Variants in CAPN9 observed in about 807,000 individuals in gnomAD.
CAPN9 encodes calpain 9.
Under a neutral mutation model 92.8 loss-of-function variants are expected in CAPN9, and 81 were observed. That is an observed-to-expected ratio of 0.87 (90% CI 0.73 to 1.05). The LOEUF (loss-of-function observed/expected upper bound fraction) is 1.05, where lower values mean the gene tolerates loss of function less well. Among genes scored for constraint, CAPN9 ranks in the 50% least tolerant of loss-of-function variants. The pLI, the probability that CAPN9 is intolerant of heterozygous loss-of-function variation, is 0.00. For synonymous variants in CAPN9, 304 were observed against 328.0 expected (o/e 0.93, Z 0.79); for missense variants, 848 against 866.2 (o/e 0.98, Z 0.26).
chr1:230,775,637 G>A (rs1666705137), intron 8 of CAPN9, among the ~76,000 whole-genome samples: 2 of 152,126 alleles, frequency 1.3e-5, no homozygotes, highest in Admixed American at 6.5e-5. Context: ...AAATACAACA[G>A]CAGGGCACGG....
At chr1:230,748,134 G>A (rs1396549464) in intron 1 of CAPN9, among the ~76,000 whole-genome samples, 2 of 152,202 alleles carry the variant, frequency 1.3e-5, no homozygotes, top group East Asian at 3.8e-4. Flanking sequence ...GTGGATGGAT[G>A]TTTGGCTCAG....
intron 5 of CAPN9, among the ~76,000 whole-genome samples, 199 bp from the exon 6 acceptor site, chr1:230,768,981 G>A (rs796106494): frequency 6.6e-6 from 1 of 152,336 alleles, no homozygotes; most frequent in African/African-American, 2.4e-5. Context: ...TCCCCATCCT[G>A]GGAAGAGACT....
chr1:230,760,135 GC>G (rs1246400742), intron 3 of CAPN9, among the ~76,000 whole-genome samples: 1 of 152,096 alleles, frequency 6.6e-6, no homozygotes, highest in East Asian at 1.9e-4. Context: ...GGAGAGGCTT[GC>G]CCCCAGGAGA....
chr1:230,761,100 T>C (rs954375242), intron 3 of CAPN9, among the ~76,000 whole-genome samples: 3 of 152,290 alleles, frequency 2.0e-5, no homozygotes, highest in Non-Finnish European at 4.4e-5. Context: ...TCAGGAGTTC[T>C]GGATCCAGCA....
chr1:230,793,067 C>T (rs1027282781), intron 17 of CAPN9, 139 bp downstream of exon 17: 3 of 672,440 alleles, frequency 4.5e-6, no homozygotes, highest in Non-Finnish European at 7.8e-6. Context: ...AAGGTCACGG[C>T]CCTTGGAGTG....
Position 230,780,841 on chromosome 1 carries a change from G to A in CAPN9, c.1481+133G>A, listed in dbSNP as rs184872221. On this transcript the variant is annotated intron_variant, in intron 11 of 19. Transcript: ENST00000271971. The stretch of plus-strand genomic sequence containing the variant: ...GTGTACCTGAGAAACAAGGCAGGAT[G>A]GTTTCTTTCTTTTCTTTTATTTATT... 419 of 584,414 alleles carry A rather than the reference G, an allele frequency of 7.2e-4. 1 individual carries two copies. Among genetic ancestry groups the A allele is most frequent in the African/African-American group, 7.1e-3 (375 of 52,764 alleles). 36.2% of individuals were successfully genotyped at this position (584,414 alleles called of 1,614,324 possible). A position where few individuals can be genotyped will look rare whatever the true frequency, so the allele number is the denominator to read the frequency against.
chr1:230,767,272 A>T (rs150178360), intron 4 of CAPN9, among the ~76,000 whole-genome samples: 1 of 152,226 alleles, frequency 6.6e-6, no homozygotes, highest in Non-Finnish European at 1.5e-5. Context: ...TAGAACCAGG[A>T]TTTGAACCTG....
rs1387123875 is a variant in CAPN9 at position 230,798,174 on chromosome 1, C to T, written c.2000C>T (p.Ala667Val). The change falls in exon 19 of 20, where the codon GCT becomes GTT. Residue 667 changes from alanine to valine, a missense_variant. Transcript: ENST00000271971. ...TCTCTCCTATCAGGGGTGTTCCAGG[C>T]TCTCAGTACAAAGAACAAGGAGTTC... ...RLENASRVFQALSTKNKEFIH... is the reference protein window; with the variant it reads ...RLENASRVFQVLSTKNKEFIH... The T allele has an allele frequency of 6.2e-7, 1 of 1,609,666 alleles. No individual in the cohort carries two copies. The highest frequency in any genetic ancestry group is 1.3e-5 in the African/African-American group (1 of 74,846).
chr1:230,774,323 G>A (rs1431218531), intron 7 of CAPN9, among the ~76,000 whole-genome samples: 1 of 152,154 alleles, frequency 6.6e-6, no homozygotes, highest in African/African-American at 2.4e-5. Context: ...TCATCCTCAG[G>A]GGTATTTTAT....
intron 18 of CAPN9, among the ~76,000 whole-genome samples, chr1:230,797,645 C>T (rs1558122028): frequency 6.6e-6 from 1 of 152,164 alleles, no homozygotes; most frequent in Admixed American, 6.5e-5. Flanking sequence ...GCTGAGGCCC[C>T]AAGAGGGCAG....
chr1:230,769,268 G>A lies in CAPN9; in HGVS notation c.789+5G>A, dbSNP rs1439935392. On this transcript the variant is annotated splice_donor_5th_base_variant and intron_variant, in intron 6 of 19. Transcript: ENST00000271971. ...AGTGTAACGGGAATTGACCAGGTAG[G>A]CGACTTGAACTCCAACTGCAGGCTA... 3 of 1,610,694 alleles carry A rather than the reference G, an allele frequency of 1.9e-6. No homozygotes were observed. The highest frequency in any genetic ancestry group is 2.2e-5 in the South Asian group (2 of 90,980).
chr1:230,758,102 A>G (rs924735261), intron 2 of CAPN9, among the ~76,000 whole-genome samples: 1 of 152,162 alleles, frequency 6.6e-6, no homozygotes, highest in Non-Finnish European at 1.5e-5. Flanking sequence ...TTGGCTTCTC[A>G]ATCTCCCCGC....
At chr1:230,792,369 C>A in intron 15 of CAPN9, 57 bp from the exon 16 acceptor site, 1 of 1,486,356 alleles carries the variant, frequency 6.7e-7, no homozygotes, top group African/African-American at 1.4e-5. Context: ...GCTGAGGTCC[C>A]ACGAGGAGCC....
At position 230,756,065 on chromosome 1, in the gene CAPN9, G is replaced by C. The variant is rs569096759; in HGVS notation, c.283+659G>C. Reference sequence around the variant, plus strand: ...CTTTGTTCTATCTATGAAAGACAGAGAAAGTGAGAGAGCGAGAGACTTTCT... The same window carrying C: ...CTTTGTTCTATCTATGAAAGACAGACAAAGTGAGAGAGCGAGAGACTTTCT... On this transcript the variant is annotated intron_variant, in intron 2 of 19. Transcript: ENST00000271971. Among the ~76,000 whole-genome samples the C allele has an allele frequency of 7.2e-5, 11 of 152,318 alleles. 1 individual carries two copies. Among genetic ancestry groups the C allele is most frequent in the African/African-American group, 2.4e-4 (10 of 41,582 alleles).
chr1:230,792,386 T>C (rs1307504419), intron 15 of CAPN9, 40 bp from the exon 16 acceptor site: 1 of 1,583,988 alleles, frequency 6.3e-7, no homozygotes, highest in Admixed American at 1.7e-5. Context: ...AGCCTCAGGT[T>C]GAAACACTGC....
chr1:230,758,180 T>C (rs1376852931), intron 2 of CAPN9, among the ~76,000 whole-genome samples: 1 of 152,140 alleles, frequency 6.6e-6, no homozygotes, highest in African/African-American at 2.4e-5. Flanking sequence ...AAAACACTCA[T>C]TTTCCTCAAC....
chr1:230,785,269 C>T (rs1175945468), intron 11 of CAPN9, among the ~76,000 whole-genome samples: 1 of 152,136 alleles, frequency 6.6e-6, no homozygotes, highest in Non-Finnish European at 1.5e-5. Context: ...TGAGTTAATG[C>T]TGGAATGACT....
chr1:230,759,529 G>A lies in CAPN9; in HGVS notation c.301G>A (p.Ala101Thr). 6.2e-7 allele frequency: 1 copy of A among 1,608,870 alleles called. No individual in the cohort carries two copies. Among genetic ancestry groups the A allele is most frequent in the Non-Finnish European group, 8.5e-7 (1 of 1,178,126 alleles). ...QGELGDCWLLAAIASLTLNQK... is the reference protein window; with the variant it reads ...QGELGDCWLLTAIASLTLNQK... Reference sequence around the variant, plus strand: ...TTTTGCAGGAGACTGCTGGCTATTAGCCGCCATCGCCTCCCTTACGCTTAA... The same window carrying A: ...TTTTGCAGGAGACTGCTGGCTATTAACCGCCATCGCCTCCCTTACGCTTAA... Residue 101 changes from alanine to threonine, a missense_variant, in exon 3 of 20, where the codon GCC (alanine) becomes ACC (threonine). By Grantham distance (58) the Ala-to-Thr change is moderately conservative. Transcript: ENST00000271971.
chr1:230,772,001 T>G lies in CAPN9; in HGVS notation c.790-13T>G, dbSNP rs747736141. 18 of 1,611,042 alleles carry G rather than the reference T, an allele frequency of 1.1e-5. No homozygotes were observed. Among genetic ancestry groups the G allele is most frequent in the Non-Finnish European group, 1.5e-5 (18 of 1,177,258 alleles). On this transcript the variant is annotated splice_polypyrimidine_tract_variant and intron_variant, in intron 6 of 19. Transcript: ENST00000271971. ...TTATCATTTCACACTTCCCTCATGC[T>G]TTTCCCTTCTAGGTAAGCTTCCGAG...
Sources: allele counts gnomAD v4.1 joint callset (sites outside exome capture counted in the v4.1 genomes callset), GRCh38; gene constraint gnomAD v4.1.1; transcripts MANE v1.5; gene names NCBI Gene and HGNC (gene_info 2026-07-23, HGNC 2026-07-21).